WDR82: variants seen among roughly 807,000 people sequenced by gnomAD.
The protein encoded by WDR82 is WD repeat-containing protein 82.
WDR82 carries 8 observed loss-of-function variants against 36.1 expected under a neutral mutation model. That is an observed-to-expected ratio of 0.22 (90% CI 0.13 to 0.40). The LOEUF (loss-of-function observed/expected upper bound fraction) is 0.40. Among genes scored for constraint, WDR82 ranks in the 10% least tolerant of loss-of-function variants. The pLI is 1.00. For synonymous variants in WDR82, 129 were observed against 137.8 expected, an observed-to-expected ratio of 0.94 and a Z score of 0.45; for missense variants, 185 against 400.5, an observed-to-expected ratio of 0.46 and a Z score of 4.59.
chr3:52,269,423 C>T (rs1227156382), intron 2 of WDR82, among the ~76,000 whole-genome samples: 1 of 151,842 alleles, frequency 6.6e-6, no homozygotes, highest in African/African-American at 2.4e-5. Context: ...TGCAGTGAGC[C>T]GAGATTGCAC....
Position 52,255,836 on chromosome 3 carries a change from GCAGCTCATCTCACT to G in WDR82, c.*1640_*1653del, listed in dbSNP as rs1700001052. On this transcript the variant is annotated 3_prime_UTR_variant, in exon 9 of 9. Coordinates refer to ENST00000296490, the MANE Select transcript of WDR82 (RefSeq NM_025222.4). ...GCTCTAAGAAGGCCATGAGCCAGCTGCAGCTCATCTCACTCAGCCTGGGCCTGACCAGAGTCCTT... is the reference window on the plus strand; with the variant it reads ...GCTCTAAGAAGGCCATGAGCCAGCTGCAGCCTGGGCCTGACCAGAGTCCTT... 1 of 152,234 alleles carries G rather than the reference GCAGCTCATCTCACT, an allele frequency of 6.6e-6. No individual in the cohort carries two copies. Among genetic ancestry groups the G allele is most frequent in the Admixed American group, 6.5e-5 (1 of 15,268 alleles). The allele number at this position is 152,234 out of a possible 1,614,324, so 9.4% of individuals were successfully genotyped here. A position where few individuals can be genotyped will look rare whatever the true frequency, so the allele number is the denominator to read the frequency against.
chr3:52,271,828 T>C (rs1700157030), intron 1 of WDR82, among the ~76,000 whole-genome samples: 1 of 152,224 alleles, frequency 6.6e-6, no homozygotes, highest in Non-Finnish European at 1.5e-5. Flanking sequence ...AGGTGGTGGC[T>C]CACATCAGTC....
chr3:52,259,336 G>T, intron 6 of WDR82, 70 bp from the exon 7 acceptor site: 1 of 1,429,192 alleles, frequency 7.0e-7, no homozygotes, highest in South Asian at 1.2e-5. Context: ...TACAAACACT[G>T]ACTCAGCACA....
intron 2 of WDR82, among the ~76,000 whole-genome samples, chr3:52,269,003 C>T (rs1262262855): frequency 6.6e-6 from 1 of 152,006 alleles, no homozygotes; most frequent in Non-Finnish European, 1.5e-5. Flanking sequence ...TTTGTAGAGA[C>T]GGGGTTTTCC....
At chr3:52,258,722 TACAAAG>T (rs767459021) in intron 7 of WDR82, 44 bp from the exon 8 acceptor site, 28 of 1,611,776 alleles carry the variant, frequency 1.7e-5, no homozygotes, top group Middle Eastern at 3.3e-4. Flanking sequence ...CAAGGCGCAA[TACAAAG>T]ACAACTGGAA....
chr3:52,260,424 A>G lies in WDR82; in HGVS notation c.504T>C (p.Ser168=), dbSNP rs1438406714. 1 of 1,592,098 alleles carries G rather than the reference A, an allele frequency of 6.3e-7. No homozygotes were observed. Among genetic ancestry groups the G allele is most frequent in the African/African-American group, 1.4e-5 (1 of 72,796 alleles). ...EGLIFAAGVN[S]EMVKLYDLRS... is the part of the protein sequence containing the mutation. ...GAAGGTCATAAAGCTTGACCATTTCAGAGTTGACACCTGCAGCGAAAATTA... is the reference window on the plus strand; with the variant it reads ...GAAGGTCATAAAGCTTGACCATTTCGGAGTTGACACCTGCAGCGAAAATTA... The change falls in exon 5 of 9, where the codon TCT becomes TCC. Residue 168 remains serine (S), a synonymous_variant. Coordinates refer to ENST00000296490, the MANE Select transcript of WDR82 (RefSeq NM_025222.4).
At position 52,278,193 on chromosome 3, in the gene WDR82, G is replaced by T; in HGVS notation, c.161+8C>A. 1.3e-6 allele frequency: 2 copies of T among 1,590,444 alleles called. No individual in the cohort carries two copies. The highest frequency in any genetic ancestry group is 8.6e-7 in the Non-Finnish European group (1 of 1,167,868). ...GAGACTCGGGCCCAGGGCCTCCGCC[G>T]CACTCACTTGCCCTCCTGGCAGTCA... On this transcript the variant is annotated splice_region_variant and intron_variant, in intron 1 of 8. Coordinates refer to ENST00000296490, the MANE Select transcript of WDR82 (RefSeq NM_025222.4).
At position 52,255,179 on chromosome 3, in the gene WDR82, T is replaced by C. The variant is rs1330213246; in HGVS notation, c.*2311A>G. On this transcript the variant is annotated 3_prime_UTR_variant, in exon 9 of 9. Coordinates refer to ENST00000296490, the MANE Select transcript of WDR82 (RefSeq NM_025222.4). ...CTGGTCTCAAACTCCCGACCTCCGG[T>C]GATCCGCCCGCCTCGGCCTCCCAAA... 6.6e-6 allele frequency: 1 copy of C among 152,184 alleles called. No individual in the cohort carries two copies. Among genetic ancestry groups the C allele is most frequent in the Non-Finnish European group, 1.5e-5 (1 of 68,068 alleles). The allele number at this position is 152,184 out of a possible 1,614,324, so 9.4% of individuals were successfully genotyped here.
In WDR82 at chr3:52,255,643, A is replaced by G. The variant is rs1211527198; in HGVS notation, c.*1847T>C. 1.3e-5 allele frequency: 2 copies of G among 152,138 alleles called. No individual in the cohort carries two copies. The highest frequency in any genetic ancestry group is 2.9e-5 in the Non-Finnish European group (2 of 68,028). The allele number at this position is 152,138 out of a possible 1,614,324, so 9.4% of individuals were successfully genotyped here. A position where few individuals can be genotyped will look rare whatever the true frequency, so the allele number is the denominator to read the frequency against. On this transcript the variant is annotated 3_prime_UTR_variant, in exon 9 of 9. Transcript: ENST00000296490. ...AAAAAGTGCTAGCAATTCACAGCCT[A>G]TTCCTGCCCGCTGAACAGAAATTGT...
At chr3:52,265,396 A>G (rs1048511609) in intron 3 of WDR82, among the ~76,000 whole-genome samples, 1 of 150,694 alleles carries the variant, frequency 6.6e-6, no homozygotes, top group South Asian at 2.1e-4. Context: ...AAACAACTGC[A>G]TCAACTCTTA....
At chr3:52,265,926 C>A (rs1700102354) in intron 3 of WDR82, among the ~76,000 whole-genome samples, 1 of 152,094 alleles carries the variant, frequency 6.6e-6, no homozygotes, top group Non-Finnish European at 1.5e-5. Flanking sequence ...CCTGTCAGGG[C>A]TCCATACCAA....
intron 1 of WDR82, 77 bp downstream of exon 1, chr3:52,278,124 G>GGGCA: frequency 7.2e-7 from 1 of 1,386,024 alleles, no homozygotes; most frequent in Non-Finnish European, 9.5e-7. Context: ...TCGGGACGGA[G>GGGCA]GGCAGGCCGA....
Position 52,256,076 on chromosome 3 carries a change from C to T in WDR82, c.*1414G>A, listed in dbSNP as rs1224343356. The T allele has an allele frequency of 2.0e-5, 3 of 153,704 alleles. No homozygotes were observed. Among genetic ancestry groups the T allele is most frequent in the African/African-American group, 7.2e-5 (3 of 41,410 alleles). 9.5% of individuals were successfully genotyped at this position (153,704 alleles called of 1,614,324 possible). On this transcript the variant is annotated 3_prime_UTR_variant, in exon 9 of 9. Coordinates refer to ENST00000296490, the MANE Select transcript of WDR82 (RefSeq NM_025222.4). Reference sequence around the variant, plus strand: ...CACACACACAGGCACAGACAGAGTACCACCAAGCAAAAAGGGGGCTAATAC... The same window carrying T: ...CACACACACAGGCACAGACAGAGTATCACCAAGCAAAAAGGGGGCTAATAC...
Position 52,278,415 on chromosome 3 carries a change from C to T in WDR82, c.-54G>A, listed in dbSNP as rs1356592171. 5.6e-6 allele frequency: 7 copies of T among 1,243,396 alleles called. No individual in the cohort carries two copies. The Admixed American group carries it at 1.3e-4, about 24-fold the overall frequency. 77.0% of individuals were successfully genotyped at this position (1,243,396 alleles called of 1,614,324 possible). On this transcript the variant is annotated 5_prime_UTR_variant, in exon 1 of 9. Transcript: ENST00000296490. ...GCAGGGCCGGGGCGGGGCCCGGCGG[C>T]GAGCGGGCGGGCTGCCGAGGGGCCA...
chr3:52,258,514 A>G, intron 8 of WDR82, 22 bp downstream of exon 8: 1 of 1,612,700 alleles, frequency 6.2e-7, no homozygotes, highest in South Asian at 1.1e-5. Flanking sequence ...TGAGTAGCAG[A>G]TACCTCTTAC....
chr3:52,267,990 C>A, intron 2 of WDR82: 1 of 200,646 alleles, frequency 5.0e-6, no homozygotes. Flanking sequence ...CGAGTCATCC[C>A]AGGGGTTCAC....
chr3:52,266,769 A>T (rs192726588), intron 3 of WDR82, among the ~76,000 whole-genome samples, 183 bp downstream of exon 3: 2 of 152,096 alleles, frequency 1.3e-5, no homozygotes, highest in Admixed American at 1.3e-4. Context: ...ATCTCTGAAC[A>T]CCTACCTCTG....
In WDR82 at chr3:52,261,395, C is replaced by A; in HGVS notation, c.411G>T (p.Arg137=). The change falls in exon 4 of 9, where the codon CGG becomes CGT. Residue 137 remains arginine, a synonymous_variant. Coordinates refer to ENST00000296490, the MANE Select transcript of WDR82 (RefSeq NM_025222.4). ...LDKTIRLWDL[R]SPNCQGLMHL... ...GTACCATTACCTGGCAGTTAGGAGACCGGAGATCCCAGAGTCGAATGGTCT... is the reference window on the plus strand; with the variant it reads ...GTACCATTACCTGGCAGTTAGGAGAACGGAGATCCCAGAGTCGAATGGTCT... 6.2e-7 allele frequency: 1 copy of A among 1,610,904 alleles called. No homozygotes were observed. The highest frequency in any genetic ancestry group is 1.1e-5 in the South Asian group (1 of 90,578).
At chr3:52,259,156 A>T (rs765344066) in intron 7 of WDR82, 41 bp downstream of exon 7, 3 of 1,546,322 alleles carry the variant, frequency 1.9e-6, no homozygotes, top group Non-Finnish European at 2.7e-6. Context: ...AATGCATAGT[A>T]CCAGAGAAAT....
Sources: allele counts gnomAD v4.1 joint callset (sites outside exome capture counted in the v4.1 genomes callset), GRCh38; gene constraint gnomAD v4.1.1; transcripts MANE v1.5; gene names NCBI Gene and HGNC (gene_info 2026-07-23, HGNC 2026-07-21).